GRIN2A: variants seen among roughly 807,000 people sequenced by gnomAD.
GRIN2A encodes the protein glutamate ionotropic receptor NMDA type subunit 2A, also known as glutamate receptor ionotropic, NMDA 2A.
In GRIN2A, 22 loss-of-function variants were observed where a neutral mutation model predicts 113.4. The observed-to-expected ratio is 0.19, with a 90% CI of 0.14 to 0.28. The LOEUF (loss-of-function observed/expected upper bound fraction) is 0.28, where lower values mean the gene tolerates loss of function less well. GRIN2A is among the 10% of genes least tolerant of loss of function. The pLI, the probability that GRIN2A is intolerant of heterozygous loss-of-function variation, is 1.00. For missense variants in GRIN2A, 1,502 were observed against 1,887.0 expected (o/e 0.80, Z 3.78); for synonymous variants, 827 against 738.4 (o/e 1.12, Z -1.94).
intron 3 of GRIN2A, among the ~76,000 whole-genome samples, chr16:9,937,296 G>A (rs973698070): frequency 6.6e-5 from 10 of 152,008 alleles, no homozygotes; most frequent in African/African-American, 2.4e-4. Flanking sequence ...CCTACTATAC[G>A]ATAGCATAAT....
chr16:9,781,202 CA>C (rs1360876844), intron 11 of GRIN2A, among the ~76,000 whole-genome samples: 1 of 151,944 alleles, frequency 6.6e-6, no homozygotes, highest in African/African-American at 2.4e-5. Flanking sequence ...CTGATTTAAC[CA>C]ATCAAAACAT....
At chr16:9,807,436 ACAGAG>A (rs2042004606) in intron 10 of GRIN2A, among the ~76,000 whole-genome samples, 1 of 68,190 alleles carries the variant, frequency 1.5e-5, no homozygotes, top group Non-Finnish European at 3.2e-5. Flanking sequence ...AGAAAGAGAG[ACAGAG>A]ACAGAGAGAG....
At chr16:9,910,483 G>A (rs1026184013) in intron 3 of GRIN2A, among the ~76,000 whole-genome samples, 1 of 151,290 alleles carries the variant, frequency 6.6e-6, no homozygotes, top group African/African-American at 2.4e-5. Flanking sequence ...AGCAGTCATA[G>A]CTGAGATATG....
At chr16:9,972,049 A>G (rs943040561) in intron 2 of GRIN2A, among the ~76,000 whole-genome samples, 1 of 152,196 alleles carries the variant, frequency 6.6e-6, no homozygotes, top group African/African-American at 2.4e-5. Context: ...CGGCCAGCAG[A>G]ATATAAAAAC....
intron 2 of GRIN2A, among the ~76,000 whole-genome samples, chr16:10,095,079 G>A (rs1249836704): frequency 6.6e-6 from 1 of 152,046 alleles, no homozygotes; most frequent in Non-Finnish European, 1.5e-5. Flanking sequence ...AGAGGAAGAA[G>A]AGAGATTTCT....
intron 2 of GRIN2A, among the ~76,000 whole-genome samples, chr16:10,055,057 A>C: frequency 1.4e-5 from 1 of 73,336 alleles, no homozygotes; most frequent in African/African-American, 6.3e-5. Context: ...CAAAAAAAAA[A>C]AAAAAAAAAA....
At chr16:10,097,949 A>T (rs2048325471) in intron 2 of GRIN2A, among the ~76,000 whole-genome samples, 1 of 152,240 alleles carries the variant, frequency 6.6e-6, no homozygotes, top group African/African-American at 2.4e-5. Flanking sequence ...GGCGGTACTT[A>T]ATTAAACTAA....
intron 4 of GRIN2A, among the ~76,000 whole-genome samples, chr16:9,885,177 C>G (rs995070201): frequency 6.6e-6 from 1 of 152,076 alleles, no homozygotes; most frequent in Non-Finnish European, 1.5e-5. Context: ...TTGTAGCATC[C>G]CTGGTACCTA....
At chr16:9,796,709 G>A (rs2141225247) in intron 11 of GRIN2A, among the ~76,000 whole-genome samples, 1 of 152,326 alleles carries the variant, frequency 6.6e-6, no homozygotes, top group South Asian at 2.1e-4. Flanking sequence ...AACACGTGTG[G>A]AGCAGAGACC....
At chr16:9,991,868 G>T (rs2046121321) in intron 2 of GRIN2A, among the ~76,000 whole-genome samples, 1 of 152,148 alleles carries the variant, frequency 6.6e-6, no homozygotes, top group Non-Finnish European at 1.5e-5. Flanking sequence ...CATGGACACA[G>T]TGAGGGGAAG....
At chr16:10,048,558 G>A (rs929326670) in intron 2 of GRIN2A, among the ~76,000 whole-genome samples, 7 of 152,178 alleles carry the variant, frequency 4.6e-5, no homozygotes, top group African/African-American at 1.7e-4. Flanking sequence ...TAACATTCAG[G>A]AAATATGCCT....
intron 2 of GRIN2A, among the ~76,000 whole-genome samples, chr16:10,052,651 T>C (rs1424743290): frequency 1.3e-5 from 2 of 152,096 alleles, no homozygotes; most frequent in East Asian, 1.9e-4. Flanking sequence ...GTGCTGGATA[T>C]AAAGAAAAGA....
intron 2 of GRIN2A, among the ~76,000 whole-genome samples, chr16:10,053,148 A>G (rs1212019412): frequency 6.6e-6 from 1 of 152,170 alleles, no homozygotes; most frequent in Non-Finnish European, 1.5e-5. Context: ...CAGGGCCACA[A>G]CAGTGAATGG....
chr16:9,988,894 G>T (rs11641062), intron 2 of GRIN2A, among the ~76,000 whole-genome samples: 3 of 151,896 alleles, frequency 2.0e-5, no homozygotes, highest in Admixed American at 1.3e-4. Context: ...GACAGGAGGA[G>T]GGTCCTACAA....
At chr16:9,976,141 A>G (rs779666885) in intron 2 of GRIN2A, among the ~76,000 whole-genome samples, 2 of 152,254 alleles carry the variant, frequency 1.3e-5, no homozygotes, top group Non-Finnish European at 2.9e-5. Context: ...ATTCTAAAGG[A>G]AATTTTATAG....
At chr16:9,870,564 T>G (rs2043240273) in intron 4 of GRIN2A, among the ~76,000 whole-genome samples, 1 of 152,080 alleles carries the variant, frequency 6.6e-6, no homozygotes, top group African/African-American at 2.4e-5. Context: ...CACATAGATG[T>G]GAAAGAGATA....
chr16:9,835,283 T>A (rs565649843), intron 7 of GRIN2A, among the ~76,000 whole-genome samples: 1 of 152,206 alleles, frequency 6.6e-6, no homozygotes. Flanking sequence ...AGTAGATGGA[T>A]AGATGGTTAT....
rs1900740968 is a variant in GRIN2A at position 9,764,064 on chromosome 16, C to A, written c.3480G>T (p.Lys1160Asn). ...GGTTCATTGGCAGCGTGGAGTCCCC[C>A]TTGCGGAAGTTTTCACTGGGATCCT... ...PYQDPSENFR[K>N]GDSTLPMNRN... The change falls in exon 13 of 13, where the codon AAG (lysine) becomes AAT (asparagine). Residue 1160 changes from lysine to asparagine, a missense_variant. Lys to Asn is a moderately conservative substitution (Grantham distance 94). This residue lies in a region of GRIN2A where 832 missense variants were observed against 789.7 expected (regional missense o/e 1.05). Transcript: ENST00000330684. The A allele has an allele frequency of 6.2e-7, 1 of 1,613,590 alleles. No individual in the cohort carries two copies. Among genetic ancestry groups the A allele is most frequent in the Non-Finnish European group, 8.5e-7 (1 of 1,179,668 alleles).
At chr16:10,181,167 T>TCACTCAACCGCAAGTGGGCCCAGGACC (rs59151958) in intron 1 of GRIN2A, among the ~76,000 whole-genome samples, 1 of 151,816 alleles carries the variant, frequency 6.6e-6, no homozygotes, top group East Asian at 2.0e-4. Context: ...GGAGAGTCCT[T>TCACTCAACCGCAAGTGGGCCCAGGACC]CACCCCTACA....
Sources: gnomAD v4.1 joint callset for allele counts (sites outside exome capture counted in the v4.1 genomes callset) on GRCh38, gnomAD v4.1.1 for gene constraint, gnomAD v4.1.1 regional missense constraint, MANE v1.5 for transcripts, NCBI Gene and HGNC (gene_info 2026-07-23, HGNC 2026-07-21) for gene names.